The following TMEM39A variants were observed in gnomAD, a reference collection of about 807,000 sequenced individuals.
The protein encoded by TMEM39A is suppressor of SQST-1 aggregates in rpl-43 mutants.
TMEM39A carries 19 observed loss-of-function variants against 51.9 expected under a neutral mutation model. That is an observed-to-expected ratio of 0.37 (90% CI 0.26 to 0.54). The LOEUF is 0.54. Ranked by LOEUF, TMEM39A falls within the 20% of genes least tolerant of loss-of-function variation. The pLI, the probability that TMEM39A is intolerant of heterozygous loss-of-function variation, is 0.88. For missense variants in TMEM39A, 433 were observed against 590.5 expected (o/e 0.73, Z 2.76); for synonymous variants, 197 against 220.2 (o/e 0.89, Z 0.93).
At chr3:119,441,779 AGAG>A (rs1404445288) in intron 5 of TMEM39A, among the ~76,000 whole-genome samples, 2 of 152,232 alleles carry the variant, frequency 1.3e-5, no homozygotes, top group Admixed American at 6.5e-5. Context: ...CCATACCTAG[AGAG>A]GAGAAGTCAA....
chr3:119,432,116 C>T lies in TMEM39A; in HGVS notation c.1332G>A (p.Lys444=). 6.2e-7 allele frequency: 1 copy of T among 1,613,202 alleles called. No individual in the cohort carries two copies. Among genetic ancestry groups the T allele is most frequent in the Non-Finnish European group, 8.5e-7 (1 of 1,179,458 alleles). The change falls in exon 9 of 9, where the codon AAG becomes AAA. Residue 444 remains lysine, a synonymous_variant. Transcript: ENST00000319172. ...GAGCCATGGAAAGTGTGTGGTTCCA[C>T]TTCTCCGACCGCAGCAAGGAATAGA... ...YQLYSLLRSE[K]WNHTLSMALI... is the part of the protein sequence containing the mutation.
chr3:119,431,749 C>G lies in TMEM39A; in HGVS notation c.*232G>C, dbSNP rs1027645214. ...CAGAGCCATACAAACAAATCAATCTCTTTACTGGACAGGCATACCTCTCAT... is the reference window on the plus strand; with the variant it reads ...CAGAGCCATACAAACAAATCAATCTGTTTACTGGACAGGCATACCTCTCAT... On this transcript the variant is annotated 3_prime_UTR_variant, in exon 9 of 9. Transcript: ENST00000319172. The G allele has an allele frequency of 2.4e-5, 8 of 329,440 alleles. No individual in the cohort carries two copies. Among genetic ancestry groups the G allele is most frequent in the South Asian group, 6.5e-5 (1 of 15,456 alleles). The allele number at this position is 329,440 out of a possible 1,614,324, so 20.4% of individuals were successfully genotyped here.
At chr3:119,439,744 G>C (rs140993724) in intron 5 of TMEM39A, among the ~76,000 whole-genome samples, 4 of 152,024 alleles carry the variant, frequency 2.6e-5, no homozygotes, top group Non-Finnish European at 5.9e-5. Flanking sequence ...GAGGACAAGA[G>C]TGGGTAGAAG....
intron 4 of TMEM39A, among the ~76,000 whole-genome samples, chr3:119,448,886 G>C (rs995617910): frequency 6.6e-6 from 1 of 152,232 alleles, no homozygotes; most frequent in Non-Finnish European, 1.5e-5. Context: ...GTATGTCACA[G>C]ACCCTTTACC....
At position 119,438,050 on chromosome 3, in the gene TMEM39A, A is replaced by G; in HGVS notation, c.629T>C (p.Leu210Pro). 1.2e-6 allele frequency: 2 copies of G among 1,608,500 alleles called. No individual in the cohort carries two copies. Among genetic ancestry groups the G allele is most frequent in the Middle Eastern group, 1.7e-4 (1 of 6,048 alleles). Residue 210 changes from leucine (L) to proline (P), a missense_variant, in exon 6 of 9, where the codon CTT (leucine) becomes CCT (proline). Around this residue, in one of 3 missense-constraint regions of TMEM39A, gnomAD observed 40 missense variants for 22.6 expected, o/e 1.77. Transcript: ENST00000319172. ...CACATAGTTGTAGTCTGTGAGAAGAAGATGTGCTCTACTATCTTGATGAAA... is the reference window on the plus strand; with the variant it reads ...CACATAGTTGTAGTCTGTGAGAAGAGGATGTGCTCTACTATCTTGATGAAA... ...CCFHQDSRAH[L>P]LLTDYNYVVQ...
chr3:119,442,894 T>C (rs1370201674), intron 5 of TMEM39A, among the ~76,000 whole-genome samples: 2 of 151,548 alleles, frequency 1.3e-5, no homozygotes, highest in Non-Finnish European at 2.9e-5. Context: ...ACCCCACCTC[T>C]ACAAAAAAAC....
At chr3:119,456,620 C>T (rs2107687800) in intron 3 of TMEM39A, among the ~76,000 whole-genome samples, 1 of 152,304 alleles carries the variant, frequency 6.6e-6, no homozygotes, top group South Asian at 2.1e-4. Context: ...TCTGCCATTG[C>T]CAACAACCTA....
intron 7 of TMEM39A, chr3:119,435,205 A>G: frequency 4.1e-6 from 4 of 985,432 alleles, no homozygotes; most frequent in Non-Finnish European, 4.8e-6. Flanking sequence ...TGTCATCTCC[A>G]TCCCAAGTGA....
Position 119,462,055 on chromosome 3 carries a change from C to A in TMEM39A, c.20G>T (p.Gly7Val). 6.2e-7 allele frequency: 1 copy of A among 1,614,100 alleles called. No individual in the cohort carries two copies. Among genetic ancestry groups the A allele is most frequent in the Non-Finnish European group, 8.5e-7 (1 of 1,179,976 alleles). ...ACGGCTTAGCTGTTGCCGACTAGGG[C>A]CCCTCCTTCCACCGGGCATGTCCAG... MPGGRR[G>V]PSRQQLSRSA... The change falls in exon 2 of 9, where the codon GGC becomes GTC. Residue 7 changes from glycine (G) to valine (V), a missense_variant. Physicochemically the swap from Gly to Val is moderately radical, Grantham distance 109. Coordinates refer to ENST00000319172, the MANE Select transcript of TMEM39A (RefSeq NM_018266.3).
At position 119,457,997 on chromosome 3, in the gene TMEM39A, TAA is replaced by T. The variant is rs770188162; in HGVS notation, c.336+19_336+20del. The stretch of plus-strand genomic sequence containing the variant: ...TCTTGGGTAAGTAACATGAAGAACT[TAA>T]AGTCTGAGTAAGACTTACCAGTGAT... On this transcript the variant is annotated intron_variant, in intron 3 of 8. Coordinates refer to ENST00000319172, the MANE Select transcript of TMEM39A (RefSeq NM_018266.3). The T allele has an allele frequency of 1.9e-6, 3 of 1,577,922 alleles. No homozygotes were observed. The African/African-American group carries it at 4.1e-5, about 21-fold the overall frequency.
chr3:119,457,205 C>T (rs561685426), intron 3 of TMEM39A, among the ~76,000 whole-genome samples: 7 of 151,288 alleles, frequency 4.6e-5, no homozygotes, highest in South Asian at 2.1e-4. Context: ...CTCTTAACTT[C>T]GTGATCCGCC....
chr3:119,462,289 C>T (rs747059094), intron 1 of TMEM39A, 141 bp from the exon 2 acceptor site: 62 of 499,438 alleles, frequency 1.2e-4, no homozygotes, highest in Admixed American at 2.9e-4. Flanking sequence ...TTACGTTATT[C>T]GAATTAAAGG....
At chr3:119,442,007 CACTGTTGA>C (rs1275970016) in intron 5 of TMEM39A, among the ~76,000 whole-genome samples, 4 of 152,154 alleles carry the variant, frequency 2.6e-5, no homozygotes, top group Non-Finnish European at 5.9e-5. Context: ...TGAATAAGCT[CACTGTTGA>C]ACCTACGGTT....
chr3:119,432,649 T>C (rs1269199108), intron 8 of TMEM39A, among the ~76,000 whole-genome samples: 1 of 152,162 alleles, frequency 6.6e-6, no homozygotes, highest in Non-Finnish European at 1.5e-5. Flanking sequence ...TGTAACCATT[T>C]AAAAATGTAA....
chr3:119,448,593 C>T (rs1430461187), intron 4 of TMEM39A, among the ~76,000 whole-genome samples: 2 of 152,158 alleles, frequency 1.3e-5, no homozygotes, highest in African/African-American at 4.8e-5. Context: ...CCATAATGAA[C>T]GGCTTAAGCC....
At chr3:119,461,305 G>A (rs188168861) in intron 2 of TMEM39A, among the ~76,000 whole-genome samples, 2 of 152,216 alleles carry the variant, frequency 1.3e-5, no homozygotes, top group Admixed American at 1.3e-4. Flanking sequence ...AAAAAAAAAG[G>A]ACAAAGGTCA....
intron 4 of TMEM39A, among the ~76,000 whole-genome samples, chr3:119,447,759 G>C (rs1428380850): frequency 6.6e-6 from 1 of 151,948 alleles, no homozygotes; most frequent in Non-Finnish European, 1.5e-5. Context: ...TGAGTAGCTG[G>C]GATACAGGCG....
At chr3:119,449,999 T>C (rs1388367368) in intron 4 of TMEM39A, among the ~76,000 whole-genome samples, 2 of 152,066 alleles carry the variant, frequency 1.3e-5, no homozygotes, top group Non-Finnish European at 2.9e-5. Context: ...CTTTCTGTGA[T>C]ATATGCAAAA....
chr3:119,437,133 C>T (rs537899191), intron 6 of TMEM39A, among the ~76,000 whole-genome samples, 155 bp from the exon 7 acceptor site: 1 of 152,272 alleles, frequency 6.6e-6, no homozygotes, highest in South Asian at 2.1e-4. Context: ...AGAGCAGAGT[C>T]CTCCACAATC....
Sources: allele counts gnomAD v4.1 joint callset (sites outside exome capture counted in the v4.1 genomes callset), GRCh38; gene constraint gnomAD v4.1.1; regional missense constraint gnomAD v4.1.1; transcripts MANE v1.5; gene names NCBI Gene and HGNC (gene_info 2026-07-23, HGNC 2026-07-21).